Variants in CELF4 observed in about 807,000 individuals in gnomAD.
The protein encoded by CELF4 is CUGBP Elav-like family member 4.
In CELF4, 18 loss-of-function variants were observed where a neutral mutation model predicts 59.9. The observed-to-expected ratio is 0.30, with a 90% CI of 0.21 to 0.45. CELF4 has a LOEUF of 0.45. Ranked by LOEUF, CELF4 falls within the 20% of genes least tolerant of loss-of-function variation. The probability of loss-of-function intolerance (pLI) is 1.00; values close to 1 mark genes in which losing one functional copy is unlikely to be tolerated. For missense variants in CELF4, 456 were observed against 689.0 expected, an observed-to-expected ratio of 0.66 and a Z score of 3.79; for synonymous variants, 261 against 267.1, an observed-to-expected ratio of 0.98 and a Z score of 0.22.
intron 1 of CELF4, among the ~76,000 whole-genome samples, chr18:37,547,258 C>A (rs533206599): frequency 1.3e-5 from 2 of 151,900 alleles, no homozygotes; most frequent in African/African-American, 4.8e-5. Context: ...CAACAGGAGC[C>A]CCCCCAGGCT....
intron 8 of CELF4, among the ~76,000 whole-genome samples, chr18:37,267,814 T>C (rs1234793794): frequency 6.6e-6 from 1 of 151,960 alleles, no homozygotes; most frequent in Non-Finnish European, 1.5e-5. Flanking sequence ...GGTGGGTGGA[T>C]CATCTGAGGT....
At chr18:37,432,282 C>G (rs2099671693) in intron 2 of CELF4, among the ~76,000 whole-genome samples, 2 of 152,250 alleles carry the variant, frequency 1.3e-5, no homozygotes, top group South Asian at 4.1e-4. Context: ...GGCACAGGCT[C>G]CAGAGGCCCG....
intron 2 of CELF4, among the ~76,000 whole-genome samples, chr18:37,325,897 T>C (rs536931517): frequency 7.2e-4 from 109 of 152,280 alleles, no homozygotes; most frequent in African/African-American, 2.6e-3. Flanking sequence ...CCGGGCTAGA[T>C]GGTGAGATAA....
At chr18:37,516,710 G>C (rs2099950992) in intron 1 of CELF4, among the ~76,000 whole-genome samples, 1 of 152,178 alleles carries the variant, frequency 6.6e-6, no homozygotes, top group South Asian at 2.1e-4. Context: ...TCAGAACCCA[G>C]GCAGGTCTGG....
intron 3 of CELF4, among the ~76,000 whole-genome samples, chr18:37,313,669 G>A (rs929629665): frequency 2.6e-5 from 4 of 152,200 alleles, no homozygotes; most frequent in Non-Finnish European, 5.9e-5. Flanking sequence ...GGCCCTTGAA[G>A]CCCTTGCAGA....
At chr18:37,558,565 T>G (rs1000474011) in intron 1 of CELF4, among the ~76,000 whole-genome samples, 69 of 77,556 alleles carry the variant, frequency 8.9e-4, no homozygotes, top group South Asian at 1.5e-3. Flanking sequence ...GGGGGGCGGG[T>G]GGGGGGGGCT....
intron 1 of CELF4, among the ~76,000 whole-genome samples, chr18:37,552,705 G>A (rs1187994706): frequency 6.6e-6 from 1 of 152,252 alleles, no homozygotes; most frequent in Non-Finnish European, 1.5e-5. Context: ...GGGCAGATGG[G>A]GGTCTTGAAC....
chr18:37,517,105 T>G (rs1440412928), intron 1 of CELF4, among the ~76,000 whole-genome samples: 1 of 152,188 alleles, frequency 6.6e-6, no homozygotes, highest in Non-Finnish European at 1.5e-5. Flanking sequence ...TTCTGCCTTC[T>G]ACTTAGCACT....
At chr18:37,564,858 T>C (rs1317438548) in intron 1 of CELF4, among the ~76,000 whole-genome samples, 1 of 151,908 alleles carries the variant, frequency 6.6e-6, no homozygotes, top group African/African-American at 2.4e-5. Context: ...ATTTGTCACC[T>C]CTCTCCCTTT....
intron 2 of CELF4, among the ~76,000 whole-genome samples, chr18:37,401,837 G>A (rs1539847): frequency 0.51 from 76,917 of 152,056 alleles, 19,689 homozygotes; most frequent in East Asian, 0.75. Flanking sequence ...AAGGTTACTC[G>A]GCTCAAGAAA....
chr18:37,391,426 G>T (rs1412328270), intron 2 of CELF4, among the ~76,000 whole-genome samples: 1 of 152,208 alleles, frequency 6.6e-6, no homozygotes, highest in Non-Finnish European at 1.5e-5. Flanking sequence ...TGCTCTGCTG[G>T]GTCTGAATGC....
chr18:37,306,786 TG>T (rs1313836941), intron 3 of CELF4, among the ~76,000 whole-genome samples: 1 of 152,102 alleles, frequency 6.6e-6, no homozygotes, highest in African/African-American at 2.4e-5. Context: ...CCAGCGCTGA[TG>T]GTGCCACCAA....
chr18:37,273,494 G>A, intron 6 of CELF4: 1 of 1,047,098 alleles, frequency 9.6e-7, no homozygotes, highest in South Asian at 4.3e-5. Flanking sequence ...GACATCCAAA[G>A]CACTAGAGAC....
intron 1 of CELF4, among the ~76,000 whole-genome samples, chr18:37,504,363 G>T (rs1437964655): frequency 6.6e-6 from 1 of 150,460 alleles, no homozygotes; most frequent in Non-Finnish European, 1.5e-5. Context: ...GGTGGTACGT[G>T]CCTGTAATCC....
rs535881317 is a variant in CELF4 at position 37,318,361 on chromosome 18, C to T, written c.448+3442G>A. On this transcript the variant is annotated intron_variant, in intron 3 of 12. Transcript: ENST00000420428. ...TCTCTCCTCTCCTCCTGCCCGCTGC[C>T]GTCATGCCACCTCCTCCACCCCTCT... Among the ~76,000 whole-genome samples the T allele has an allele frequency of 2.5e-3, 380 of 151,966 alleles. 1 individual carries two copies. The highest frequency in any genetic ancestry group is 3.8e-3 in the Non-Finnish European group (255 of 67,934).
chr18:37,259,048 T>TCC, intron 11 of CELF4, 133 bp downstream of exon 11: 1 of 1,428,242 alleles, frequency 7.0e-7, no homozygotes. Context: ...TTAAAAGCAG[T>TCC]CGGACACCGG....
chr18:37,478,992 G>T (rs997308388), intron 2 of CELF4, among the ~76,000 whole-genome samples: 3 of 152,188 alleles, frequency 2.0e-5, no homozygotes, highest in East Asian at 3.9e-4. Flanking sequence ...CCTGGGTTCT[G>T]GTCCCAGCTC....
At chr18:37,364,983 G>T (rs1342508811) in intron 2 of CELF4, among the ~76,000 whole-genome samples, 1 of 152,172 alleles carries the variant, frequency 6.6e-6, no homozygotes, top group Non-Finnish European at 1.5e-5. Context: ...GTCTCCTGGG[G>T]TGGTGAGAAT....
intron 2 of CELF4, among the ~76,000 whole-genome samples, chr18:37,325,977 G>C (rs1250704582): frequency 6.6e-6 from 1 of 152,206 alleles, no homozygotes; most frequent in African/African-American, 2.4e-5. Flanking sequence ...AGATTTCTCA[G>C]CTGGAGCAGG....
Sources: allele counts gnomAD v4.1 joint callset (sites outside exome capture counted in the v4.1 genomes callset), GRCh38; gene constraint gnomAD v4.1.1; transcripts MANE v1.5; gene names NCBI Gene and HGNC (gene_info 2026-07-23, HGNC 2026-07-21).